NUP205: variants seen among roughly 807,000 people sequenced by gnomAD.
NUP205 encodes the protein nucleoporin 205.
A neutral mutation model predicts 253.8 loss-of-function variants in NUP205; 76 were observed. The observed-to-expected ratio is 0.30, with a 90% CI of 0.25 to 0.36. The LOEUF (loss-of-function observed/expected upper bound fraction) is 0.36. NUP205 is among the 10% of genes least tolerant of loss of function. NUP205 has a pLI of 1.00. For synonymous variants in NUP205, 832 were observed against 850.1 expected, an observed-to-expected ratio of 0.98 and a Z score of 0.37; for missense variants, 2,162 against 2,425.5, an observed-to-expected ratio of 0.89 and a Z score of 2.28.
intron 7 of NUP205, among the ~76,000 whole-genome samples, chr7:135,583,829 T>A (rs1806378249): frequency 6.6e-6 from 1 of 150,908 alleles, no homozygotes; most frequent in Non-Finnish European, 1.5e-5. Context: ...TTACTTTTGC[T>A]TTCTTTCTTT....
At chr7:135,585,349 G>A (rs180791044) in intron 8 of NUP205, among the ~76,000 whole-genome samples, 124 of 152,234 alleles carry the variant, frequency 8.1e-4, no homozygotes, top group Middle Eastern at 6.8e-3. Context: ...CCTCTTAACT[G>A]GGGATAAGTC....
intron 7 of NUP205, 107 bp downstream of exon 7, chr7:135,579,022 G>C (rs185205506): frequency 1.7e-4 from 135 of 809,062 alleles, no homozygotes; most frequent in Non-Finnish European, 2.4e-4. Context: ...AGCATAGGAA[G>C]ATATCCAGAG....
chr7:135,626,102 A>G, intron 32 of NUP205, 138 bp from the exon 33 acceptor site: 4 of 997,106 alleles, frequency 4.0e-6, no homozygotes, highest in East Asian at 2.4e-5. Context: ...AAAGCGGTAT[A>G]ATGTAACCTG....
chr7:135,647,145 A>G (rs2129492737), intron 42 of NUP205, among the ~76,000 whole-genome samples: 1 of 152,362 alleles, frequency 6.6e-6, no homozygotes. Flanking sequence ...TTAAACTAAT[A>G]GCAAAGTTAT....
At chr7:135,629,969 C>A (rs59664351) in intron 34 of NUP205, among the ~76,000 whole-genome samples, 30,551 of 152,156 alleles carry the variant, frequency 0.2, 3,163 homozygotes, top group South Asian at 0.31. Flanking sequence ...ATTTATATTA[C>A]ATTCTTACTC....
At chr7:135,600,353 G>A (rs1272558097) in intron 15 of NUP205, among the ~76,000 whole-genome samples, 1 of 152,146 alleles carries the variant, frequency 6.6e-6, no homozygotes, top group African/African-American at 2.4e-5. Flanking sequence ...ATGGAACCCT[G>A]GTCTGAGAAT....
At chr7:135,600,217 T>A (rs1339555791) in intron 15 of NUP205, among the ~76,000 whole-genome samples, 2 of 152,238 alleles carry the variant, frequency 1.3e-5, no homozygotes, top group African/African-American at 4.8e-5. Flanking sequence ...TTTTTTGGCA[T>A]AAGTATTTTT....
Position 135,618,523 on chromosome 7 carries a change from A to G in NUP205, c.3883A>G (p.Thr1295Ala). 1 of 1,614,080 alleles carries G rather than the reference A, an allele frequency of 6.2e-7. No homozygotes were observed. Among genetic ancestry groups the G allele is most frequent in the Non-Finnish European group, 8.5e-7 (1 of 1,179,992 alleles). The stretch of plus-strand genomic sequence containing the variant: ...GAGGCAACTAGTAGAAATTATACTG[A>G]CAGCTTGTCCCCAGGACCTCATTCA... ...SWRQLVEIIL[T>A]ACPQDLIQAE... Residue 1295 changes from threonine to alanine, a missense_variant, in exon 28 of 43, where the codon ACA becomes GCA. This residue lies in a region of NUP205 where 1,144 missense variants were observed against 1,280.9 expected (regional missense o/e 0.89). Transcript: ENST00000285968.
At position 135,578,743 on chromosome 7, in the gene NUP205, G is replaced by C. The variant is rs1806222161; in HGVS notation, c.878-8G>C. 2 of 1,578,274 alleles carry C rather than the reference G, an allele frequency of 1.3e-6. No homozygotes were observed. The highest frequency in any genetic ancestry group is 1.7e-6 in the Non-Finnish European group (2 of 1,162,126). On this transcript the variant is annotated splice_region_variant and splice_polypyrimidine_tract_variant and intron_variant, in intron 6 of 42. Transcript: ENST00000285968. ...GATCGGTAAAGTGGTCTATTTTTGT[G>C]TTTTCAGATATGATTCATCAACTTC...
intron 2 of NUP205, among the ~76,000 whole-genome samples, chr7:135,573,178 C>T (rs1012062165): frequency 2.0e-4 from 31 of 152,108 alleles, no homozygotes; most frequent in Non-Finnish European, 4.3e-4. Flanking sequence ...TATGATCTAT[C>T]AGCTAATTCT....
At chr7:135,642,203 C>T (rs556382127) in intron 38 of NUP205, among the ~76,000 whole-genome samples, 21 of 150,554 alleles carry the variant, frequency 1.4e-4, no homozygotes, top group Admixed American at 2.7e-4. Context: ...TGCAGTGAGC[C>T]GAGATCGAAC....
intron 7 of NUP205, among the ~76,000 whole-genome samples, chr7:135,581,571 G>A (rs1474311941): frequency 1.3e-5 from 2 of 150,654 alleles, no homozygotes; most frequent in African/African-American, 4.9e-5. Context: ...ACAAGCATCG[G>A]CCGGGTGTGG....
Position 135,587,645 on chromosome 7 carries a change from A to T in NUP205, c.1289A>T (p.Glu430Val), listed in dbSNP as rs1251363163. 1 of 1,611,314 alleles carries T rather than the reference A, an allele frequency of 6.2e-7. No individual in the cohort carries two copies. The highest frequency in any genetic ancestry group is 8.5e-7 in the Non-Finnish European group (1 of 1,178,726). Reference protein sequence around the residue: ...MIHMSMQMGNEPPISLRRDLE... With the variant: ...MIHMSMQMGNVPPISLRRDLE... ...CACATGAGTATGCAGATGGGTAATGAACCCCCCATTTCACTTAGAAGGGAC... is the reference window on the plus strand; with the variant it reads ...CACATGAGTATGCAGATGGGTAATGTACCCCCCATTTCACTTAGAAGGGAC... Residue 430 changes from glutamate (E) to valine (V), a missense_variant, in exon 9 of 43, where the codon GAA becomes GTA. Coordinates refer to ENST00000285968, the MANE Select transcript of NUP205 (RefSeq NM_015135.3).
chr7:135,576,072 G>C (rs35784551), intron 3 of NUP205, among the ~76,000 whole-genome samples, 198 bp from the exon 4 acceptor site: 1 of 152,120 alleles, frequency 6.6e-6, no homozygotes, highest in African/African-American at 2.4e-5. Flanking sequence ...CTGGTGTTTA[G>C]GGATAAGTTG....
At chr7:135,614,644 G>A (rs1794314536) in intron 23 of NUP205, among the ~76,000 whole-genome samples, 1 of 151,884 alleles carries the variant, frequency 6.6e-6, no homozygotes, top group African/African-American at 2.4e-5. Flanking sequence ...GTTTATTTTT[G>A]TTTCTTGTGT....
In NUP205 at chr7:135,571,249, TAAG is replaced by T. The variant is rs1805988648; in HGVS notation, c.171+5_171+7del. On this transcript the variant is annotated splice_donor_5th_base_variant and intron_variant, in intron 2 of 42. Transcript: ENST00000285968. ...TTCATCTCATTGTTCAAAAATCCGG[TAAG>T]AAATTTTCTTTTTCAGTTTTTTTGG... The T allele has an allele frequency of 7.2e-7, 1 of 1,391,322 alleles. No homozygotes were observed. The highest frequency in any genetic ancestry group is 1.9e-5 in the South Asian group (1 of 53,448). The allele number at this position is 1,391,322 out of a possible 1,614,324, so 86.2% of individuals were successfully genotyped here. A position where few individuals can be genotyped will look rare whatever the true frequency, so the allele number is the denominator to read the frequency against.
At chr7:135,630,558 T>C in intron 35 of NUP205, 88 bp downstream of exon 35, 1 of 1,195,694 alleles carries the variant, frequency 8.4e-7, no homozygotes. Context: ...ACTTTGCAGC[T>C]ATATATGACT....
chr7:135,594,694 G>A lies in NUP205; in HGVS notation c.1978G>A (p.Ala660Thr). Residue 660 changes from alanine to threonine, a missense_variant, in exon 13 of 43, where the codon GCT (alanine) becomes ACT (threonine). By Grantham distance (58) the Ala-to-Thr change is moderately conservative (BLOSUM62 0). Transcript: ENST00000285968. ...AGCTTTTGGAAAATCTCCTGAAATT[G>A]CTGCTTCCCTCTGGCAGTCATTGGA... Reference protein sequence around the residue: ...LAAFGKSPEIAASLWQSLEYT... With the variant: ...LAAFGKSPEITASLWQSLEYT... 1 of 1,613,682 alleles carries A rather than the reference G, an allele frequency of 6.2e-7. No homozygotes were observed. The highest frequency in any genetic ancestry group is 1.1e-5 in the South Asian group (1 of 91,034).
intron 3 of NUP205, among the ~76,000 whole-genome samples, chr7:135,575,714 G>C (rs1241959893): frequency 6.6e-6 from 1 of 152,148 alleles, no homozygotes; most frequent in Non-Finnish European, 1.5e-5. Context: ...AGAATTGCTT[G>C]AACCTAGGCG....
Sources: allele counts gnomAD v4.1 joint callset (sites outside exome capture counted in the v4.1 genomes callset), GRCh38; gene constraint gnomAD v4.1.1; regional missense constraint gnomAD v4.1.1; transcripts MANE v1.5; gene names NCBI Gene and HGNC (gene_info 2026-07-23, HGNC 2026-07-21).